The following HYDIN variants were observed in gnomAD, a reference collection of about 807,000 sequenced individuals.
HYDIN encodes axonemal central pair apparatus protein HYDIN.
A neutral mutation model predicts 403.9 loss-of-function variants in HYDIN; 132 were observed. The ratio of observed to expected loss-of-function variants is 0.33; its 90% CI spans 0.28 to 0.38. The LOEUF (loss-of-function observed/expected upper bound fraction) is 0.38, where lower values mean the gene tolerates loss of function less well. HYDIN is among the 10% of genes least tolerant of loss of function. The pLI is 1.00. For synonymous variants in HYDIN, 1,202 were observed against 1,891.7 expected (o/e 0.64, Z 9.46); for missense variants, 2,827 against 5,009.5 (o/e 0.56, Z 13.15).
chr16:71,080,852 A>T (rs915557422), intron 12 of HYDIN: 8 of 150,686 alleles, frequency 5.3e-5, no homozygotes, highest in African/African-American at 1.7e-4. Context: ...AAAATAGAGG[A>T]AAGAGACAGA....
chr16:71,033,634 C>T (rs1383624950), intron 18 of HYDIN, among the ~76,000 whole-genome samples: 1 of 132,156 alleles, frequency 7.6e-6, no homozygotes, highest in African/African-American at 2.9e-5. Flanking sequence ...TGTCAGGGGT[C>T]GGGGGGCAGG....
At chr16:71,045,484 T>C (rs1418450907) in intron 18 of HYDIN, among the ~76,000 whole-genome samples, 2 of 152,110 alleles carry the variant, frequency 1.3e-5, no homozygotes, top group African/African-American at 2.4e-5. Flanking sequence ...GAGGCAAGTA[T>C]ATCTAATTCA....
At chr16:70,947,647 T>C (rs1381760224) in intron 41 of HYDIN, among the ~76,000 whole-genome samples, 1 of 152,094 alleles carries the variant, frequency 6.6e-6, no homozygotes, top group African/African-American at 2.4e-5. Flanking sequence ...CTGGTAGCAT[T>C]CTTATACACC....
intron 22 of HYDIN, among the ~76,000 whole-genome samples, chr16:71,019,882 T>C (rs1470847304): frequency 6.6e-6 from 1 of 152,298 alleles, no homozygotes; most frequent in East Asian, 1.9e-4. Context: ...AAATGTTTCG[T>C]ATACAAGGGA....
At chr16:71,077,411 A>T (rs2082652117) in intron 13 of HYDIN, among the ~76,000 whole-genome samples, 1 of 152,094 alleles carries the variant, frequency 6.6e-6, no homozygotes, top group Non-Finnish European at 1.5e-5. Context: ...CTAGTTAATC[A>T]TTGCTGATAT....
In HYDIN at chr16:71,044,271, T is replaced by A. The variant is rs376463251; in HGVS notation, c.2530-12354A>T. Among the ~76,000 whole-genome samples the A allele has an allele frequency of 9.3e-3, 1,337 of 143,210 alleles. 17 individuals carry two copies. Among genetic ancestry groups the A allele is most frequent in the African/African-American group, 0.033 (1,277 of 38,282 alleles). 94.0% of individuals were successfully genotyped at this position (143,210 alleles called of 152,430 possible). On this transcript the variant is annotated intron_variant, in intron 18 of 85. Transcript: ENST00000393567. ...TAATGGTATCCTGCCCTCAGCAGTG[T>A]CTGTGAAATCAGCTCTCAGTTTAAT...
chr16:70,917,926 C>T (rs1490617294), intron 47 of HYDIN, among the ~76,000 whole-genome samples: 1 of 152,064 alleles, frequency 6.6e-6, no homozygotes, highest in East Asian at 1.9e-4. Flanking sequence ...GGTAACTTGA[C>T]AAGTTCCCTA....
rs575033487 is a variant in HYDIN, at chr16:70,850,130, T to G, written c.12652-183A>C. Among the ~76,000 whole-genome samples the G allele has an allele frequency of 8.3e-4, 127 of 152,296 alleles. 1 individual carries two copies. The highest frequency in any genetic ancestry group is 2.8e-3 in the African/African-American group (117 of 41,552). On this transcript the variant is annotated intron_variant, in intron 74 of 85. Transcript: ENST00000393567. ...AGCAGGAGCTACTAAGTGTTGGGGT[T>G]CTTTCAATATCTCATGGAGCAAAGT...
intron 5 of HYDIN, among the ~76,000 whole-genome samples, chr16:71,165,334 C>G (rs1349740825): frequency 2.0e-5 from 3 of 151,914 alleles, no homozygotes; most frequent in African/African-American, 7.3e-5. Context: ...TCATGGTGCT[C>G]ACCCCCTCAC....
chr16:71,028,969 AT>A (rs780864049), intron 19 of HYDIN, among the ~76,000 whole-genome samples: 40 of 149,874 alleles, frequency 2.7e-4, no homozygotes, highest in Admixed American at 8.0e-4. Context: ...TATTCACAGT[AT>A]ATCTTTCAAT....
chr16:70,833,503 G>A (rs1250378073), intron 79 of HYDIN, among the ~76,000 whole-genome samples: 3 of 133,736 alleles, frequency 2.2e-5, no homozygotes, highest in Non-Finnish European at 4.7e-5. Context: ...ATCCCTTCCC[G>A]TGAGAGTTGC....
chr16:71,093,274 G>T (rs1312019596), intron 11 of HYDIN, among the ~76,000 whole-genome samples: 3 of 152,212 alleles, frequency 2.0e-5, no homozygotes, highest in African/African-American at 7.2e-5. Context: ...AATAACTCAT[G>T]CATACATCCT....
At position 70,880,184 on chromosome 16, in the gene HYDIN, G is replaced by A. The variant is rs750862046; in HGVS notation, c.10216-428C>T. ...GGCAATCCTCCCACCTCAGCCTCCC[G>A]AGTAGCTGGGACTACAGGAGTGTGC... On this transcript the variant is annotated intron_variant, in intron 60 of 85. Transcript: ENST00000393567. Among the ~76,000 whole-genome samples the A allele has an allele frequency of 3.4e-5, 4 of 118,916 alleles. 1 individual carries two copies. The highest frequency in any genetic ancestry group is 8.4e-5 in the African/African-American group (2 of 23,710). 78.0% of individuals were successfully genotyped at this position (118,916 alleles called of 152,430 possible).
rs201721641 is a variant in HYDIN at position 70,892,396 on chromosome 16, C to T, written c.9382G>A (p.Val3128Met). ...VQVFFHAKKE[V>M]KIEHQPVLRC... Reference sequence around the variant, plus strand: ...AGAACAGGCTGGTGCTCAATCTTCACTTCCTTTTTTGCATGGAAGAAAACT... The same window carrying T: ...AGAACAGGCTGGTGCTCAATCTTCATTTCCTTTTTTGCATGGAAGAAAACT... Residue 3128 changes from valine (V) to methionine (M), a missense_variant, in exon 56 of 86, where the codon GTG (valine) becomes ATG (methionine). Val to Met is a conservative substitution (Grantham distance 21). Transcript: ENST00000393567. The T allele has an allele frequency of 5.5e-4, 862 of 1,579,984 alleles. 2 individuals are homozygous for T. The African/African-American group carries it at 0.011, about 20-fold the overall frequency.
chr16:71,136,668 G>A (rs1237650405), intron 8 of HYDIN, among the ~76,000 whole-genome samples: 13 of 147,038 alleles, frequency 8.8e-5, no homozygotes, highest in African/African-American at 3.0e-4. Context: ...TCAGGAGGCT[G>A]AGGCAGGAGA....
intron 9 of HYDIN, among the ~76,000 whole-genome samples, chr16:71,125,504 C>T (rs1163325756): frequency 6.6e-6 from 1 of 152,156 alleles, no homozygotes; most frequent in Non-Finnish European, 1.5e-5. Flanking sequence ...ATTTGTAGAT[C>T]AAAAAGGATC....
chr16:71,168,154 C>A (rs1014496942), intron 5 of HYDIN, among the ~76,000 whole-genome samples: 39 of 150,466 alleles, frequency 2.6e-4, no homozygotes, highest in Non-Finnish European at 1.5e-5. Context: ...CCCATCTCTA[C>A]TAAAAATACA....
In HYDIN at chr16:70,894,478, C is replaced by A; in HGVS notation, c.9219G>T (p.Lys3073Asn). Residue 3073 changes from lysine (K) to asparagine (N), a missense_variant, in exon 55 of 86, where the codon AAG becomes AAT. By Grantham distance (94) the Lys-to-Asn change is moderately conservative (BLOSUM62 0). Coordinates refer to ENST00000393567, the MANE Select transcript of HYDIN (RefSeq NM_001270974.2). Reference protein sequence around the residue: ...TEEAKQPLQLKNRGKYEIAFS... With the variant: ...TEEAKQPLQLNNRGKYEIAFS... ...ACGCGATCTCATATTTCCCACGGTT[C>A]TTCAATTGCAGGGGCTGCTTCGCCT... The A allele has an allele frequency of 6.3e-7, 1 of 1,595,706 alleles. No individual in the cohort carries two copies. The highest frequency in any genetic ancestry group is 2.2e-5 in the East Asian group (1 of 44,752).
At chr16:71,178,546 AT>A (rs2086778347) in intron 4 of HYDIN, among the ~76,000 whole-genome samples, 1 of 151,216 alleles carries the variant, frequency 6.6e-6, no homozygotes, top group East Asian at 1.9e-4. Context: ...TAGGGTTTAT[AT>A]CTTGAATTGG....
Sources: gnomAD v4.1 joint callset for allele counts (sites outside exome capture counted in the v4.1 genomes callset) on GRCh38, gnomAD v4.1.1 for gene constraint, MANE v1.5 for transcripts, NCBI Gene and HGNC (gene_info 2026-07-23, HGNC 2026-07-21) for gene names.